Variants in CPNE4 observed in about 807,000 individuals in gnomAD.
The protein encoded by CPNE4 is copine-4.
In CPNE4, 25 loss-of-function variants were observed where a neutral mutation model predicts 67.9. That is an observed-to-expected ratio of 0.37 (90% CI 0.27 to 0.51). The LOEUF (loss-of-function observed/expected upper bound fraction) is 0.51. CPNE4 is among the 20% of genes least tolerant of loss of function. CPNE4 has a pLI of 0.93. For missense variants in CPNE4, 464 were observed against 690.8 expected (o/e 0.67, Z 3.68); for synonymous variants, 242 against 244.9 (o/e 0.99, Z 0.11).
At chr3:131,545,639 T>A (rs995772661) in intron 14 of CPNE4, among the ~76,000 whole-genome samples, 2 of 152,244 alleles carry the variant, frequency 1.3e-5, no homozygotes, top group African/African-American at 4.8e-5. Context: ...TCTCATAATT[T>A]AAAATGTAAA....
intron 7 of CPNE4, among the ~76,000 whole-genome samples, chr3:131,656,207 T>C (rs975565850): frequency 6.6e-6 from 1 of 151,908 alleles, no homozygotes; most frequent in Non-Finnish European, 1.5e-5. Flanking sequence ...ATGTTTAAAT[T>C]TAAGGAAAAA....
At chr3:131,955,236 T>C (rs1232476292) in intron 1 of CPNE4, among the ~76,000 whole-genome samples, 1 of 152,012 alleles carries the variant, frequency 6.6e-6, no homozygotes, top group Non-Finnish European at 1.5e-5. Flanking sequence ...TGCTTACTAA[T>C]ATAAAATTTG....
intron 1 of CPNE4, among the ~76,000 whole-genome samples, chr3:131,986,624 C>G (rs2073049797): frequency 6.6e-6 from 1 of 151,896 alleles, no homozygotes; most frequent in Non-Finnish European, 1.5e-5. Flanking sequence ...GAGGCTGGGC[C>G]CGGTGGCTCA....
intron 2 of CPNE4, among the ~76,000 whole-genome samples, chr3:131,825,955 C>T (rs1408690099): frequency 6.6e-6 from 1 of 152,100 alleles, no homozygotes; most frequent in African/African-American, 2.4e-5. Context: ...TTATAGGCCC[C>T]CTTTTGGATA....
At chr3:131,989,372 G>A (rs894886418) in intron 1 of CPNE4, among the ~76,000 whole-genome samples, 1 of 152,184 alleles carries the variant, frequency 6.6e-6, no homozygotes, top group Non-Finnish European at 1.5e-5. Context: ...ATAAAATACC[G>A]CTTTGGAATA....
intron 1 of CPNE4, among the ~76,000 whole-genome samples, chr3:131,943,121 G>A (rs1583487939): frequency 6.6e-6 from 1 of 152,260 alleles, no homozygotes; most frequent in Admixed American, 6.5e-5. Flanking sequence ...CACCCACGGA[G>A]GGCATTATAT....
intron 7 of CPNE4, among the ~76,000 whole-genome samples, chr3:131,646,075 G>A (rs2079655790): frequency 5.9e-5 from 9 of 151,918 alleles, no homozygotes; most frequent in Admixed American, 5.9e-4. Flanking sequence ...ACAAACTGCT[G>A]AAAAAAAGTG....
intron 2 of CPNE4, among the ~76,000 whole-genome samples, chr3:131,882,876 C>T (rs2087733750): frequency 6.6e-6 from 1 of 152,032 alleles, no homozygotes; most frequent in Non-Finnish European, 1.5e-5. Context: ...GCCACCACAC[C>T]TGGCTAATTT....
intron 7 of CPNE4, among the ~76,000 whole-genome samples, chr3:131,591,609 CCT>C (rs1027966439): frequency 8.0e-4 from 122 of 152,290 alleles, no homozygotes; most frequent in African/African-American, 2.7e-3. Flanking sequence ...CCATCAGGGG[CCT>C]CTCAGCAGCA....
At chr3:131,810,664 C>G (rs540009309) in intron 2 of CPNE4, among the ~76,000 whole-genome samples, 2 of 152,214 alleles carry the variant, frequency 1.3e-5, no homozygotes, top group South Asian at 4.1e-4. Flanking sequence ...ACCACCTGAT[C>G]CAGCAAACCC....
intron 1 of CPNE4, among the ~76,000 whole-genome samples, chr3:131,979,260 A>C (rs557256501): frequency 6.6e-6 from 1 of 152,100 alleles, no homozygotes; most frequent in Admixed American, 6.6e-5. Context: ...TCTTGATGAC[A>C]TGTCTAATGC....
intron 1 of CPNE4, among the ~76,000 whole-genome samples, chr3:131,948,323 T>C (rs1030322754): frequency 6.6e-6 from 1 of 152,140 alleles, no homozygotes; most frequent in African/African-American, 2.4e-5. Flanking sequence ...GGGTCTAACA[T>C]TTCCCCTTCT....
chr3:131,967,190 C>T (rs370383569), intron 1 of CPNE4, among the ~76,000 whole-genome samples: 24 of 152,278 alleles, frequency 1.6e-4, no homozygotes, highest in African/African-American at 5.5e-4. Flanking sequence ...ATGCTAAAAA[C>T]ACTCAATAAA....
chr3:131,849,084 G>T (rs1167297472), intron 2 of CPNE4, among the ~76,000 whole-genome samples: 2 of 151,444 alleles, frequency 1.3e-5, no homozygotes, highest in African/African-American at 4.9e-5. Flanking sequence ...CAATCCTAAT[G>T]GTCGATTTCA....
chr3:131,906,937 T>C (rs1439147787), intron 1 of CPNE4, among the ~76,000 whole-genome samples: 1 of 151,980 alleles, frequency 6.6e-6, no homozygotes, highest in Non-Finnish European at 1.5e-5. Flanking sequence ...TTTTTAATGA[T>C]TGCCATTCTA....
chr3:131,710,121 T>C (rs914712374), intron 3 of CPNE4, among the ~76,000 whole-genome samples: 2 of 152,224 alleles, frequency 1.3e-5, no homozygotes, highest in African/African-American at 4.8e-5. Flanking sequence ...AGAATCCATA[T>C]ATATTTATTT....
intron 2 of CPNE4, among the ~76,000 whole-genome samples, chr3:131,794,903 T>C (rs946035907): frequency 6.6e-6 from 1 of 152,196 alleles, no homozygotes; most frequent in Non-Finnish European, 1.5e-5. Flanking sequence ...TCGCCTTCCT[T>C]AGGGCAAAGT....
At chr3:131,631,486 C>A (rs1329799484) in intron 7 of CPNE4, among the ~76,000 whole-genome samples, 3 of 152,186 alleles carry the variant, frequency 2.0e-5, no homozygotes, top group East Asian at 3.8e-4. Context: ...TTCAATTCAA[C>A]AATGAAATAT....
intron 2 of CPNE4, among the ~76,000 whole-genome samples, chr3:131,736,756 T>C (rs17294289): frequency 0.49 from 74,368 of 151,948 alleles, 18,316 homozygotes; most frequent in East Asian, 0.66. Flanking sequence ...TTGCAATAGG[T>C]TGAGTACTAG....
Sources: gnomAD v4.1 joint callset for allele counts (sites outside exome capture counted in the v4.1 genomes callset) on GRCh38, gnomAD v4.1.1 for gene constraint, MANE v1.5 for transcripts, NCBI Gene and HGNC (gene_info 2026-07-23, HGNC 2026-07-21) for gene names.